The following GLT1D1 variants were observed in gnomAD, a reference collection of about 807,000 sequenced individuals.
GLT1D1 encodes glycosyltransferase 1 domain-containing protein 1.
Under a neutral mutation model 28.7 loss-of-function variants are expected in GLT1D1, and 21 were observed. The ratio of observed to expected loss-of-function variants is 0.73; its 90% CI spans 0.52 to 1.05. The LOEUF (loss-of-function observed/expected upper bound fraction) is 1.05. Among genes scored for constraint, GLT1D1 ranks in the 50% least tolerant of loss-of-function variants. The pLI, the probability that GLT1D1 is intolerant of heterozygous loss-of-function variation, is 0.00. For missense variants in GLT1D1, 343 were observed against 330.6 expected, an observed-to-expected ratio of 1.04 and a Z score of -0.29; for synonymous variants, 147 against 124.8, an observed-to-expected ratio of 1.18 and a Z score of -1.19.
chr12:128,939,047 G>A (rs1009742359), intron 4 of GLT1D1, among the ~76,000 whole-genome samples: 3 of 152,018 alleles, frequency 2.0e-5, no homozygotes, highest in East Asian at 3.9e-4. Context: ...CTTACCTGAG[G>A]CCAGGTTGTT....
chr12:128,958,979 A>G (rs1877612294), intron 7 of GLT1D1, among the ~76,000 whole-genome samples: 1 of 151,016 alleles, frequency 6.6e-6, no homozygotes, highest in African/African-American at 2.4e-5. Flanking sequence ...CTGGGACTAC[A>G]GGCATGCACC....
chr12:128,901,543 TCTC>T (rs949638101), intron 4 of GLT1D1, among the ~76,000 whole-genome samples: 2 of 151,680 alleles, frequency 1.3e-5, no homozygotes, highest in Non-Finnish European at 2.9e-5. Context: ...TTCAAGCTAT[TCTC>T]CTACCTCAGC....
chr12:128,912,367 C>T, intron 4 of GLT1D1, 57 bp from the exon 5 acceptor site: 2 of 1,097,216 alleles, frequency 1.8e-6, no homozygotes, highest in East Asian at 5.2e-5. Context: ...TTCTAAAAAG[C>T]AGTTGTCATG....
At chr12:128,887,972 C>T (rs955140833) in intron 2 of GLT1D1, among the ~76,000 whole-genome samples, 17 of 152,136 alleles carry the variant, frequency 1.1e-4, no homozygotes, top group African/African-American at 4.1e-4. Context: ...TCCTGCCCAT[C>T]TGCGCTCATG....
chr12:128,853,741 C>A, intron 1 of GLT1D1, 92 bp downstream of exon 1: 1 of 836,194 alleles, frequency 1.2e-6, no homozygotes, highest in Non-Finnish European at 1.5e-6. Context: ...TCAGCCAGGC[C>A]CCCTCCAGCC....
intron 2 of GLT1D1, among the ~76,000 whole-genome samples, chr12:128,887,201 G>A (rs1471252139): frequency 3.3e-5 from 5 of 152,032 alleles, no homozygotes; most frequent in South Asian, 4.2e-4. Flanking sequence ...TACAAAAATA[G>A]AGACAGAATT....
chr12:128,874,084 CTT>C (rs1566090959), intron 1 of GLT1D1, among the ~76,000 whole-genome samples: 16 of 13,296 alleles, frequency 1.2e-3, no homozygotes, highest in South Asian at 6.0e-3. Flanking sequence ...TTCTTTCTTT[CTT>C]TCTTTCTTTC....
Position 128,902,831 on chromosome 12 carries a change from T to A in GLT1D1, c.375+3544T>A, listed in dbSNP as rs1593107342. ...GCTGAGGCGGGCAGATCACCTGAGG[T>A]CAAGAGTTCAAGACCAGCCTGGCCA... On this transcript the variant is annotated intron_variant, in intron 4 of 7. Transcript: ENST00000281703. Among the ~76,000 whole-genome samples, 2 of 151,212 alleles carry A rather than the reference T, an allele frequency of 1.3e-5. 1 individual carries two copies. Among genetic ancestry groups the A allele is most frequent in the African/African-American group, 4.9e-5 (2 of 40,792 alleles).
chr12:128,881,223 CAAAAAAA>C lies in GLT1D1; in HGVS notation c.217+5176_217+5182del, dbSNP rs35871795. Among the ~76,000 whole-genome samples the C allele has an allele frequency of 2.2e-3, 161 of 73,586 alleles. 1 individual carries two copies. Among genetic ancestry groups the C allele is most frequent in the African/African-American group, 6.7e-3 (148 of 21,954 alleles). 48.3% of individuals were successfully genotyped at this position (73,586 alleles called of 152,430 possible). A position where few individuals can be genotyped will look rare whatever the true frequency, so the allele number is the denominator to read the frequency against. On this transcript the variant is annotated intron_variant, in intron 2 of 7. Transcript: ENST00000281703. Reference sequence around the variant, plus strand: ...TGGGCGACAGAGCGAGACTCCGTTTCAAAAAAAAAAAAAAAAAAAAACTATAGTCCAG... The same window carrying C: ...TGGGCGACAGAGCGAGACTCCGTTTCAAAAAAAAAAAAAACTATAGTCCAG...
In GLT1D1 at chr12:128,936,967, A is replaced by G. The variant is rs541868503; in HGVS notation, c.376-8359A>G. The stretch of plus-strand genomic sequence containing the variant: ...CTGATGTGGAAGGTAAATCCAGAAA[A>G]ATTTAATGCAGTTTTTAGTTTCAAC... On this transcript the variant is annotated intron_variant, in intron 4 of 7. Coordinates refer to ENST00000281703, the MANE Select transcript of GLT1D1 (RefSeq NM_144669.3). Among the ~76,000 whole-genome samples, 3 of 152,324 alleles carry G rather than the reference A, an allele frequency of 2.0e-5. No individual in the cohort carries two copies. In the East Asian group the frequency reaches 5.8e-4, roughly 29 times the overall value.
chr12:128,859,994 A>C (rs1292407890), intron 1 of GLT1D1, among the ~76,000 whole-genome samples: 1 of 152,188 alleles, frequency 6.6e-6, no homozygotes, highest in Non-Finnish European at 1.5e-5. Flanking sequence ...GTGTCACGTT[A>C]AATATTCTTC....
At chr12:128,977,171 G>A (rs1289015444) in intron 7 of GLT1D1, among the ~76,000 whole-genome samples, 3 of 151,962 alleles carry the variant, frequency 2.0e-5, no homozygotes, top group African/African-American at 4.8e-5. Context: ...AAACAAAATG[G>A]CCACCACTTC....
chr12:128,881,345 G>T (rs582238), intron 2 of GLT1D1, among the ~76,000 whole-genome samples: 1 of 146,868 alleles, frequency 6.8e-6, no homozygotes, highest in Non-Finnish European at 1.5e-5. Context: ...AGCCTGGCCC[G>T]CATGGTGAAG....
intron 3 of GLT1D1, among the ~76,000 whole-genome samples, chr12:128,892,531 T>C (rs902245260): frequency 7.2e-5 from 11 of 152,318 alleles, no homozygotes; most frequent in Non-Finnish European, 1.3e-4. Context: ...ATTATTAGTA[T>C]TATTTATTTC....
intron 7 of GLT1D1, among the ~76,000 whole-genome samples, chr12:128,960,556 G>A (rs73422696): frequency 0.047 from 7,168 of 152,006 alleles, 536 homozygotes; most frequent in African/African-American, 0.16. Flanking sequence ...TTAGGAGTTC[G>A]AGACAAGCCT....
At chr12:128,904,025 G>T (rs1266206620) in intron 4 of GLT1D1, among the ~76,000 whole-genome samples, 1 of 151,810 alleles carries the variant, frequency 6.6e-6, no homozygotes, top group Non-Finnish European at 1.5e-5. Context: ...ACTGTGCCCG[G>T]CCAGAACTTT....
intron 2 of GLT1D1, among the ~76,000 whole-genome samples, chr12:128,884,449 A>G (rs921930875): frequency 6.6e-6 from 1 of 152,182 alleles, no homozygotes; most frequent in African/African-American, 2.4e-5. Context: ...TTCAGCTAGG[A>G]GGAATACATT....
chr12:128,876,333 GTC>G (rs1336966019), intron 2 of GLT1D1, among the ~76,000 whole-genome samples: 2 of 152,038 alleles, frequency 1.3e-5, no homozygotes, highest in Non-Finnish European at 2.9e-5. Context: ...TTGGGACAGG[GTC>G]TCTCTGACTC....
chr12:128,878,745 G>A (rs949306329), intron 2 of GLT1D1, among the ~76,000 whole-genome samples: 11 of 151,962 alleles, frequency 7.2e-5, no homozygotes, highest in Non-Finnish European at 1.5e-4. Flanking sequence ...GTACAGGCAT[G>A]TGGGACTGCA....
Sources: gnomAD v4.1 joint callset for allele counts (sites outside exome capture counted in the v4.1 genomes callset) on GRCh38, gnomAD v4.1.1 for gene constraint, MANE v1.5 for transcripts, NCBI Gene and HGNC (gene_info 2026-07-23, HGNC 2026-07-21) for gene names.